The following ZNF490 variants were observed in gnomAD, a reference collection of about 807,000 sequenced individuals.
ZNF490 encodes the protein zinc finger protein 490.
In ZNF490, 11 loss-of-function variants were observed where a neutral mutation model predicts 17.7. The ratio of observed to expected loss-of-function variants is 0.62; its 90% CI spans 0.39 to 1.03. ZNF490 has a LOEUF of 1.03. Ranked by LOEUF, ZNF490 falls within the 50% of genes least tolerant of loss-of-function variation. The probability of loss-of-function intolerance (pLI) is 0.00; values close to 1 mark genes in which losing one functional copy is unlikely to be tolerated. For synonymous variants in ZNF490, 222 were observed against 216.1 expected, an observed-to-expected ratio of 1.03 and a Z score of -0.24; for missense variants, 542 against 643.4, an observed-to-expected ratio of 0.84 and a Z score of 1.71.
At chr19:12,606,170 G>A (rs55690605) in intron 2 of ZNF490, among the ~76,000 whole-genome samples, 88,364 of 150,950 alleles carry the variant, frequency 0.59, 27,003 homozygotes, top group Non-Finnish European at 0.69. Flanking sequence ...ATGAGCCACC[G>A]CGCCTGGCCT....
intron 2 of ZNF490, among the ~76,000 whole-genome samples, chr19:12,602,128 A>ACACACATG (rs1491092504): frequency 8.5e-6 from 1 of 118,330 alleles, no homozygotes; most frequent in Non-Finnish European, 1.8e-5. Flanking sequence ...ACACACACAC[A>ACACACATG]TATATGGGCC....
At chr19:12,589,106 G>A (rs1015458372) in intron 2 of ZNF490, among the ~76,000 whole-genome samples, 7 of 152,174 alleles carry the variant, frequency 4.6e-5, no homozygotes, top group Admixed American at 4.6e-4. Context: ...CAGATCACCT[G>A]AGGTCAGGAC....
At position 12,579,191 on chromosome 19, in the gene ZNF490, TGCAGTGAGCTG is replaced by T. The variant is rs1209159318; in HGVS notation, c.*1283_*1293del. ...TGGCGTGAACCCAGGAGGCGGAGCT[TGCAGTGAGCTG>T]AGATCGCGCCACTGCACTCCAGCCT... On this transcript the variant is annotated 3_prime_UTR_variant, in exon 5 of 5. Transcript: ENST00000311437. 6.8e-6 allele frequency: 1 copy of T among 146,000 alleles called. No individual in the cohort carries two copies. The highest frequency in any genetic ancestry group is 1.5e-5 in the Non-Finnish European group (1 of 67,258). 9.0% of individuals were successfully genotyped at this position (146,000 alleles called of 1,614,324 possible).
rs749451499 is a variant in ZNF490 at position 12,581,363 on chromosome 19, G to A, written c.712C>T (p.Arg238Ter). 16 of 1,613,896 alleles carry A rather than the reference G, an allele frequency of 9.9e-6. No homozygotes were observed. The highest frequency in any genetic ancestry group is 5.0e-5 in the Admixed American group (3 of 59,970). ...GKAFAFLFSFRNHIRIHTGET... is the reference protein window; with the variant it reads ...GKAFAFLFSF ...CCAGTATGAATTCTTATATGGTTTC[G>A]AAAGGAAAAGAGAAATGCGAAGGCT... The change falls in exon 5 of 5, where the codon CGA becomes TGA. Residue 238 changes from arginine (R) to a stop codon, truncating the protein, a stop_gained. Transcript: ENST00000311437. LOFTEE classifies it low-confidence loss of function (END_TRUNC).
chr19:12,581,049 G>A lies in ZNF490; in HGVS notation c.1026C>T (p.Ala342=). The change falls in exon 5 of 5, where the codon GCC becomes GCT. Residue 342 remains alanine (A), a synonymous_variant. Transcript: ENST00000311437. ...TTCGAAGGCTTGAGTGAGAAAAGAA[G>A]GCTCTCCCACATTCCCTACATACAA... ...KPFVCRECGR[A]FFSHSSLRKH... The A allele has an allele frequency of 6.2e-7, 1 of 1,613,958 alleles. No homozygotes were observed. The highest frequency in any genetic ancestry group is 8.5e-7 in the Non-Finnish European group (1 of 1,179,932).
In ZNF490 at chr19:12,582,910, C is replaced by G. The variant is rs1308164862; in HGVS notation, c.290G>C (p.Gly97Ala). 1 of 1,610,702 alleles carries G rather than the reference C, an allele frequency of 6.2e-7. No homozygotes were observed. The change falls in exon 4 of 5, where the codon GGG becomes GCG. Residue 97 changes from glycine (G) to alanine (A), a missense_variant and splice_region_variant. Physicochemically the swap from Gly to Ala is moderately conservative, Grantham distance 60 (BLOSUM62 0). Coordinates refer to ENST00000311437, the MANE Select transcript of ZNF490 (RefSeq NM_020714.3). ...RATFKNLACI[G>A]EKWKDQDIED... ...AATATCCTGGTCTTTCCATTTTTCC[C>G]CTAAAATACAAGCCCAGAGAACTCA...
At chr19:12,581,828 T>C (rs1298489631) in intron 4 of ZNF490, 104 bp from the exon 5 acceptor site, 3 of 1,064,000 alleles carry the variant, frequency 2.8e-6, no homozygotes, top group African/African-American at 3.2e-5. Flanking sequence ...AGAAACTGTA[T>C]GTTATCTGCC....
intron 2 of ZNF490, among the ~76,000 whole-genome samples, chr19:12,600,153 G>C (rs1328837851): frequency 6.6e-6 from 1 of 151,988 alleles, no homozygotes; most frequent in Non-Finnish European, 1.5e-5. Context: ...ACGAGGTTAG[G>C]AGATCGAGAC....
rs989296531 is a variant in ZNF490 at position 12,583,425 on chromosome 19, C to T, written c.289+5G>A. On this transcript the variant is annotated splice_donor_5th_base_variant and intron_variant, in intron 3 of 4. Coordinates refer to ENST00000311437, the MANE Select transcript of ZNF490 (RefSeq NM_020714.3). Reference sequence around the variant, plus strand: ...AATTAAGTAGAGAAATTATGTCACCCTTACCTATACAGGCCAGGTTCTTGA... The same window carrying T: ...AATTAAGTAGAGAAATTATGTCACCTTTACCTATACAGGCCAGGTTCTTGA... 6.3e-7 allele frequency: 1 copy of T among 1,593,142 alleles called. No homozygotes were observed. Among genetic ancestry groups the T allele is most frequent in the Non-Finnish European group, 8.6e-7 (1 of 1,167,562 alleles).
At chr19:12,583,811 ATTTTTTTT>A (rs879747918) in intron 2 of ZNF490, among the ~76,000 whole-genome samples, 6 of 78,654 alleles carry the variant, frequency 7.6e-5, no homozygotes, top group African/African-American at 3.1e-4. Flanking sequence ...ATATATATAT[ATTTTTTTT>A]TTTTTTTTTT....
At position 12,582,833 on chromosome 19, in the gene ZNF490, T is replaced by C; in HGVS notation, c.350+17A>G. On this transcript the variant is annotated intron_variant, in intron 4 of 4. Transcript: ENST00000311437. ...ATTCTCTCAGGGGCTATATAATTAT[T>C]TGTGAATGCAACTCACCTTAGATTT... is the stretch of plus-strand genomic sequence containing the variant. The C allele has an allele frequency of 6.3e-7, 1 of 1,586,900 alleles. No homozygotes were observed. Among genetic ancestry groups the C allele is most frequent in the Non-Finnish European group, 8.6e-7 (1 of 1,156,452 alleles).
In ZNF490 at chr19:12,581,648, G is replaced by A; in HGVS notation, c.427C>T (p.Leu143Phe). 12 of 1,614,176 alleles carry A rather than the reference G, an allele frequency of 7.4e-6. No homozygotes were observed. Among genetic ancestry groups the A allele is most frequent in the Non-Finnish European group, 1.0e-5 (12 of 1,180,030 alleles). ...GTAGGAGTTTCCAGGTTCGTATTAA[G>A]ATCAGGAATCTGGCTAGTGCTTTTT... is the stretch of plus-strand genomic sequence containing the variant. ...CGKSTSQIPD[L>F]NTNLETPTGL... Residue 143 changes from leucine to phenylalanine, a missense_variant, in exon 5 of 5, where the codon CTT (leucine) becomes TTT (phenylalanine). Leu to Phe is a conservative substitution (Grantham distance 22). Coordinates refer to ENST00000311437, the MANE Select transcript of ZNF490 (RefSeq NM_020714.3).
At chr19:12,588,854 G>A (rs2022832560) in intron 2 of ZNF490, among the ~76,000 whole-genome samples, 1 of 152,258 alleles carries the variant, frequency 6.6e-6, no homozygotes, top group East Asian at 1.9e-4. Flanking sequence ...TCTAAATAAT[G>A]CATGGATGAG....
At chr19:12,607,700 G>A (rs1318935337) in intron 2 of ZNF490, among the ~76,000 whole-genome samples, 1 of 149,936 alleles carries the variant, frequency 6.7e-6, no homozygotes, top group Non-Finnish European at 1.5e-5. Context: ...CCAGGAGCTT[G>A]AGACCAGCCT....
Position 12,580,404 on chromosome 19 carries a change from T to C in ZNF490, c.*81A>G. 4 of 1,507,932 alleles carry C rather than the reference T, an allele frequency of 2.7e-6. No individual in the cohort carries two copies. Among genetic ancestry groups the C allele is most frequent in the Non-Finnish European group, 3.5e-6 (4 of 1,131,404 alleles). 93.4% of individuals were successfully genotyped at this position (1,507,932 alleles called of 1,614,324 possible). On this transcript the variant is annotated 3_prime_UTR_variant, in exon 5 of 5. Coordinates refer to ENST00000311437, the MANE Select transcript of ZNF490 (RefSeq NM_020714.3). ...GGCTTAATCACACCGTTTACATTCC[T>C]TGAATTTCTCTCCAGCGTAAGTACT...
intron 2 of ZNF490, among the ~76,000 whole-genome samples, chr19:12,605,636 C>T (rs2023058760): frequency 6.6e-6 from 1 of 152,134 alleles, no homozygotes. Context: ...TAGGTCACAT[C>T]CTGGGACTTA....
At chr19:12,605,705 C>T (rs1367652957) in intron 2 of ZNF490, among the ~76,000 whole-genome samples, 1 of 152,070 alleles carries the variant, frequency 6.6e-6, no homozygotes. Flanking sequence ...GTATTGGACT[C>T]CGTCTCCAGG....
chr19:12,602,644 G>C lies in ZNF490; in HGVS notation c.162+6514C>G, dbSNP rs573406690. ...ATTTCTTTTTTTTTTTTTTTGTCGAGACAAGGTTTCACTATGGTTATGCAG... is the reference window on the plus strand; with the variant it reads ...ATTTCTTTTTTTTTTTTTTTGTCGACACAAGGTTTCACTATGGTTATGCAG... On this transcript the variant is annotated intron_variant, in intron 2 of 4. Transcript: ENST00000311437. Among the ~76,000 whole-genome samples, 215 of 148,484 alleles carry C rather than the reference G, an allele frequency of 1.4e-3. 1 individual carries two copies. The highest frequency in any genetic ancestry group is 4.8e-3 in the African/African-American group (195 of 40,348).
intron 2 of ZNF490, among the ~76,000 whole-genome samples, chr19:12,589,421 A>G (rs1375365353): frequency 6.6e-6 from 1 of 152,148 alleles, no homozygotes; most frequent in Non-Finnish European, 1.5e-5. Context: ...ATCAATAATT[A>G]ACTGAAAAAT....
Sources: allele counts gnomAD v4.1 joint callset (sites outside exome capture counted in the v4.1 genomes callset), GRCh38; gene constraint gnomAD v4.1.1; transcripts MANE v1.5; gene names NCBI Gene and HGNC (gene_info 2026-07-23, HGNC 2026-07-21).